Variants in RBFOX1 observed in about 807,000 individuals in gnomAD.
RBFOX1 encodes the protein RNA binding protein fox-1 homolog 1.
Under a neutral mutation model 57.7 loss-of-function variants are expected in RBFOX1, and 8 were observed. The ratio of observed to expected loss-of-function variants is 0.14; its 90% CI spans 0.08 to 0.25. The LOEUF (loss-of-function observed/expected upper bound fraction) is 0.25. Ranked by LOEUF, RBFOX1 falls within the 10% of genes least tolerant of loss-of-function variation. The pLI is 1.00. For synonymous variants in RBFOX1, 326 were observed against 222.4 expected (o/e 1.47, Z -4.15); for missense variants, 611 against 548.5 (o/e 1.11, Z -1.14).
chr16:6,788,024 A>C (rs1765761330), intron 3 of RBFOX1, among the ~76,000 whole-genome samples: 1 of 152,040 alleles, frequency 6.6e-6, no homozygotes, highest in Non-Finnish European at 1.5e-5. Context: ...GGAGTTCGAG[A>C]CCAGCCAGAC....
At chr16:7,697,682 T>C (rs1330497166) in intron 14 of RBFOX1, among the ~76,000 whole-genome samples, 1 of 152,130 alleles carries the variant, frequency 6.6e-6, no homozygotes, top group Non-Finnish European at 1.5e-5. Flanking sequence ...CTGGAGTCCA[T>C]CTGATGCCAA....
At chr16:7,326,140 C>G (rs2096608595) in intron 4 of RBFOX1, among the ~76,000 whole-genome samples, 1 of 152,176 alleles carries the variant, frequency 6.6e-6, no homozygotes, top group Non-Finnish European at 1.5e-5. Flanking sequence ...TTCTCAAATA[C>G]TTATTGAGCA....
intron 1 of RBFOX1, among the ~76,000 whole-genome samples, chr16:6,244,229 C>T (rs1300354464): frequency 6.6e-6 from 1 of 151,868 alleles, no homozygotes; most frequent in Admixed American, 6.6e-5. Flanking sequence ...GGTTATATCC[C>T]TCCTTCCAGC....
intron 1 of RBFOX1, among the ~76,000 whole-genome samples, chr16:6,048,165 G>A (rs1025191956): frequency 2.0e-5 from 3 of 152,180 alleles, no homozygotes; most frequent in African/African-American, 4.8e-5. Flanking sequence ...CATGGGGTAG[G>A]TATTATGATC....
chr16:7,157,350 A>C (rs745920907), intron 4 of RBFOX1, among the ~76,000 whole-genome samples: 1 of 152,156 alleles, frequency 6.6e-6, no homozygotes, highest in Admixed American at 6.6e-5. Flanking sequence ...ATGAGATACC[A>C]TTTCAATTTG....
chr16:6,259,601 G>C (rs1034882444), intron 1 of RBFOX1, among the ~76,000 whole-genome samples: 1 of 152,074 alleles, frequency 6.6e-6, no homozygotes, highest in Non-Finnish European at 1.5e-5. Flanking sequence ...CAGTAGCGAC[G>C]AAAGTGCAAG....
rs188777155 is a variant in RBFOX1, at chr16:6,305,218, C to T, written c.-126-11777C>T. Among the ~76,000 whole-genome samples, 411 of 152,348 alleles carry T rather than the reference C, an allele frequency of 2.7e-3. 2 individuals carry two copies. The highest frequency in any genetic ancestry group is 0.01 in the Middle Eastern group (3 of 294). On this transcript the variant is annotated intron_variant, in intron 1 of 15. Coordinates refer to ENST00000550418, the MANE Select transcript of RBFOX1 (RefSeq NM_018723.4). ...CTCATTGAGAGCAAATATAGCACAA[C>T]TGCCATTCAGACCACAGTTCAAGTT... is the stretch of plus-strand genomic sequence containing the variant.
chr16:6,637,153 ATATATAT>A (rs1478832061), intron 2 of RBFOX1, among the ~76,000 whole-genome samples: 1 of 72,756 alleles, frequency 1.4e-5, no homozygotes, highest in African/African-American at 5.8e-5. Context: ...ATAATATACA[ATATATAT>A]TATATATTAT....
chr16:6,002,106 G>A (rs2060611387), intron 4 of RBFOX1, among the ~76,000 whole-genome samples: 1 of 151,656 alleles, frequency 6.6e-6, no homozygotes, highest in South Asian at 2.1e-4. Context: ...CCAGTAGCTG[G>A]GACTACAAGC....
intron 1 of RBFOX1, among the ~76,000 whole-genome samples, chr16:6,211,825 TTTATTTATTTATTTA>T (rs1567688192): frequency 2.2e-5 from 2 of 92,948 alleles, no homozygotes; most frequent in African/African-American, 7.4e-5. Flanking sequence ...ACATCTTTTA[TTTATTTATTTATTTA>T]TTTATTTATT....
chr16:5,842,076 A>G (rs748238310), intron 3 of RBFOX1, among the ~76,000 whole-genome samples: 20 of 152,170 alleles, frequency 1.3e-4, no homozygotes, highest in Non-Finnish European at 1.3e-4. Flanking sequence ...TCTGCCCTGA[A>G]TCATGGATTT....
intron 4 of RBFOX1, among the ~76,000 whole-genome samples, chr16:7,083,912 A>G (rs1020713934): frequency 1.3e-5 from 2 of 152,108 alleles, no homozygotes; most frequent in African/African-American, 2.4e-5. Flanking sequence ...CCTATCACTT[A>G]GCATCCTGCC....
intron 4 of RBFOX1, among the ~76,000 whole-genome samples, chr16:7,072,335 C>T (rs75816941): frequency 1.3e-5 from 2 of 152,136 alleles, no homozygotes; most frequent in African/African-American, 4.8e-5. Flanking sequence ...ACCTTCCTTA[C>T]GCTTACCCAC....
rs1444192038 is a variant in RBFOX1, at chr16:5,454,835, TCTTTC to T, written c.220-12375_220-12371del. On this transcript the variant is annotated intron_variant, in intron 1 of 2. Coordinates refer to the RBFOX1 transcript ENST00000585867. Reference sequence around the variant, plus strand: ...TTTCCTTTCCTTTCTTTCCTTGCTTTCTTTCCTTTCTTTCTTTCTTTTCTTTCTTT... The same window carrying T: ...TTTCCTTTCCTTTCTTTCCTTGCTTTCTTTCTTTCTTTCTTTTCTTTCTTT... Among the ~76,000 whole-genome samples the T allele has an allele frequency of 4.3e-5, 6 of 139,980 alleles. No individual in the cohort carries two copies. The East Asian group carries it at 1.2e-3, about 28-fold the overall frequency. The allele number at this position is 139,980 out of a possible 152,430, so 91.8% of individuals were successfully genotyped here. A position where few individuals can be genotyped will look rare whatever the true frequency, so the allele number is the denominator to read the frequency against.
chr16:7,498,679 T>G (rs1407135059), intron 4 of RBFOX1, among the ~76,000 whole-genome samples: 1 of 152,180 alleles, frequency 6.6e-6, no homozygotes, highest in Non-Finnish European at 1.5e-5. Context: ...GCAGTTGCCA[T>G]GTACAGTACG....
At chr16:7,183,892 G>A (rs569886378) in intron 4 of RBFOX1, among the ~76,000 whole-genome samples, 1 of 152,276 alleles carries the variant, frequency 6.6e-6, no homozygotes, top group South Asian at 2.1e-4. Flanking sequence ...CTAATTGAGG[G>A]AGTAGTTTAA....
At chr16:7,505,912 G>A (rs1442699338) in intron 4 of RBFOX1, among the ~76,000 whole-genome samples, 1 of 152,160 alleles carries the variant, frequency 6.6e-6, no homozygotes. Context: ...CTGGCCAGGT[G>A]CAGTGGCTCA....
chr16:5,722,362 C>A (rs180736645), intron 3 of RBFOX1, among the ~76,000 whole-genome samples: 1 of 152,294 alleles, frequency 6.6e-6, no homozygotes, highest in Admixed American at 6.5e-5. Flanking sequence ...ATAGACTTGG[C>A]AATGTGCTTT....
chr16:6,804,615 T>G (rs1303501261), intron 3 of RBFOX1, among the ~76,000 whole-genome samples: 1 of 152,212 alleles, frequency 6.6e-6, no homozygotes, highest in Non-Finnish European at 1.5e-5. Context: ...TTTCACAATG[T>G]GTTCTTTCAT....
Sources: gnomAD v4.1 joint callset for allele counts (sites outside exome capture counted in the v4.1 genomes callset) on GRCh38, gnomAD v4.1.1 for gene constraint, MANE v1.5 for transcripts, NCBI Gene and HGNC (gene_info 2026-07-23, HGNC 2026-07-21) for gene names.